Variants in CLPP observed in about 807,000 individuals in gnomAD.
The protein encoded by CLPP is ATP-dependent Clp protease proteolytic subunit, mitochondrial.
CLPP carries 14 observed loss-of-function variants against 27.4 expected under a neutral mutation model. The observed-to-expected ratio is 0.51, with a 90% CI of 0.34 to 0.80. The LOEUF (loss-of-function observed/expected upper bound fraction) is 0.80, where lower values mean the gene tolerates loss of function less well. CLPP is among the 30% of genes least tolerant of loss of function. The pLI is 0.02. For missense variants in CLPP, 361 were observed against 403.6 expected, an observed-to-expected ratio of 0.89 and a Z score of 0.90; for synonymous variants, 193 against 166.6, an observed-to-expected ratio of 1.16 and a Z score of -1.22.
rs774322986 is a variant in CLPP, at chr19:6,366,376, C to A, written c.661+13C>A. ...CTGCAGGTGATCGGTAAGCACCCTC[C>A]TTTATTTCATCCTGGTCCGTGCACA... is the stretch of plus-strand genomic sequence containing the variant. On this transcript the variant is annotated intron_variant, in intron 5 of 5. Transcript: ENST00000245816. 2 of 1,589,266 alleles carry A rather than the reference C, an allele frequency of 1.3e-6. No individual in the cohort carries two copies. Among genetic ancestry groups the A allele is most frequent in the Admixed American group, 3.4e-5 (2 of 58,704 alleles).
At chr19:6,367,509 G>A (rs1439994238) in intron 5 of CLPP, among the ~76,000 whole-genome samples, 1 of 151,870 alleles carries the variant, frequency 6.6e-6, no homozygotes, top group Non-Finnish European at 1.5e-5. Flanking sequence ...GCTAATTTAT[G>A]CTGTTAGAGG....
At chr19:6,362,032 C>A in intron 2 of CLPP, 92 bp downstream of exon 2, 2 of 1,241,256 alleles carry the variant, frequency 1.6e-6, no homozygotes, top group South Asian at 2.6e-5. Context: ...CAGACTTTCC[C>A]TCAGGCTCCG....
chr19:6,366,127 ACCCCAGCC>A (rs2091861137), intron 4 of CLPP, 123 bp from the exon 5 acceptor site: 1 of 628,634 alleles, frequency 1.6e-6, no homozygotes, highest in African/African-American at 1.8e-5. Flanking sequence ...GATTTACACA[ACCCCAGCC>A]CACCAGCCTC....
intron 4 of CLPP, among the ~76,000 whole-genome samples, chr19:6,365,509 G>GAGTT (rs2091857715): frequency 6.6e-6 from 1 of 152,060 alleles, no homozygotes; most frequent in Non-Finnish European, 1.5e-5. Flanking sequence ...ATGCACTGAG[G>GAGTT]AGTTGTTTGC....
At position 6,365,098 on chromosome 19, in the gene CLPP, G is replaced by C. The variant is rs1032726460; in HGVS notation, c.555+459G>C. On this transcript the variant is annotated intron_variant, in intron 4 of 5. Transcript: ENST00000245816. Reference sequence around the variant, plus strand: ...CTCACGCCTGTAATCCTAGCACTTCGGGAGACAGAGGCGGGAGGATCACGT... The same window carrying C: ...CTCACGCCTGTAATCCTAGCACTTCCGGAGACAGAGGCGGGAGGATCACGT... The C allele has an allele frequency of 2.0e-5, 3 of 153,306 alleles. No homozygotes were observed. In the East Asian group the frequency reaches 5.8e-4, roughly 30 times the overall value. The allele number at this position is 153,306 out of a possible 1,614,324, so 9.5% of individuals were successfully genotyped here. A position where few individuals can be genotyped will look rare whatever the true frequency, so the allele number is the denominator to read the frequency against.
intron 4 of CLPP, chr19:6,365,265 G>C (rs1413515939): frequency 6.6e-6 from 1 of 151,596 alleles, no homozygotes; most frequent in East Asian, 1.9e-4. Flanking sequence ...GATCATTTGA[G>C]GTCAGGAATT....
intron 3 of CLPP, among the ~76,000 whole-genome samples, chr19:6,362,974 C>A (rs1427962349): frequency 6.6e-6 from 1 of 152,006 alleles, no homozygotes; most frequent in African/African-American, 2.4e-5. Context: ...CCTGTAGTCC[C>A]AGCAACTCGG....
chr19:6,368,671 A>G lies in CLPP; in HGVS notation c.795A>G (p.Glu265=). The G allele has an allele frequency of 2.5e-6, 4 of 1,577,400 alleles. No individual in the cohort carries two copies. The highest frequency in any genetic ancestry group is 2.6e-6 in the Non-Finnish European group (3 of 1,161,534). ...EPTLVQKEPV[E]AAPAAEPVPA... ...CGCTGGTGCAGAAGGAGCCTGTAGA[A>G]GCAGCGCCGGCAGCAGAACCTGTCC... The change falls in exon 6 of 6, where the codon GAA becomes GAG. Residue 265 remains glutamate (E), a synonymous_variant. Transcript: ENST00000245816.
Position 6,369,277 on chromosome 19 carries a change from C to T in CLPP, c.*567C>T, listed in dbSNP as rs185945094. Among the ~76,000 whole-genome samples, 113 of 152,060 alleles carry T rather than the reference C, an allele frequency of 7.4e-4. No homozygotes were observed. The highest frequency in any genetic ancestry group is 4.2e-3 in the Admixed American group (64 of 15,250). ...TTCTACTAAAAATACAAAAATTAGC[C>T]GAGCGTGGTGCACCTGTAATCCCAG... is the stretch of plus-strand genomic sequence containing the variant. On this transcript the variant is annotated 3_prime_UTR_variant, in exon 6 of 6. Coordinates refer to ENST00000245816, the MANE Select transcript of CLPP (RefSeq NM_006012.4).
intron 3 of CLPP, among the ~76,000 whole-genome samples, chr19:6,364,132 G>A (rs1017257663): frequency 2.0e-5 from 3 of 149,226 alleles, no homozygotes; most frequent in African/African-American, 2.5e-5. Context: ...CCGGGTTCAC[G>A]CCATTCTGCT....
chr19:6,367,030 G>C (rs1481705820), intron 5 of CLPP, among the ~76,000 whole-genome samples: 4 of 151,824 alleles, frequency 2.6e-5, no homozygotes, highest in Admixed American at 1.3e-4. Flanking sequence ...CTTGAGTTCA[G>C]GAGTTCAAGA....
At chr19:6,365,964 CA>C (rs1389939203) in intron 4 of CLPP, among the ~76,000 whole-genome samples, 1 of 148,550 alleles carries the variant, frequency 6.7e-6, no homozygotes, top group Non-Finnish European at 1.5e-5. Context: ...AAAAAAAAAA[CA>C]AAAAACAAAC....
chr19:6,364,219 AC>A (rs1222746550), intron 3 of CLPP, among the ~76,000 whole-genome samples: 3 of 151,774 alleles, frequency 2.0e-5, no homozygotes, highest in Middle Eastern at 3.2e-3. Flanking sequence ...TTTAGTAGAG[AC>A]GGGGTTTCAC....
Position 6,369,408 on chromosome 19 carries a change from C to CT in CLPP, c.*699dup, listed in dbSNP as rs2091877563. Among the ~76,000 whole-genome samples the CT allele has an allele frequency of 7.2e-6, 1 of 138,098 alleles. No homozygotes were observed. Among genetic ancestry groups the CT allele is most frequent in the Admixed American group, 7.0e-5 (1 of 14,268 alleles). 90.6% of individuals were successfully genotyped at this position (138,098 alleles called of 152,430 possible). ...TTAGCCTGGGCAACAGAGCAAGGCT[C>CT]TGTCTCAAAAAAAAAAAAAAACAAA... On this transcript the variant is annotated 3_prime_UTR_variant, in exon 6 of 6. Coordinates refer to ENST00000245816, the MANE Select transcript of CLPP (RefSeq NM_006012.4).
At chr19:6,365,256 A>C (rs1267393852) in intron 4 of CLPP, 1 of 152,036 alleles carries the variant, frequency 6.6e-6, no homozygotes, top group East Asian at 1.9e-4. Flanking sequence ...GAGCAGGTGG[A>C]TCATTTGAGG....
In CLPP at chr19:6,369,855, A is replaced by G. The variant is rs1211757003; in HGVS notation, c.*1145A>G. Among the ~76,000 whole-genome samples, 1 of 151,930 alleles carries G rather than the reference A, an allele frequency of 6.6e-6. No homozygotes were observed. Among genetic ancestry groups the G allele is most frequent in the African/African-American group, 2.4e-5 (1 of 41,386 alleles). On this transcript the variant is annotated 3_prime_UTR_variant, in exon 6 of 6. Coordinates refer to ENST00000245816, the MANE Select transcript of CLPP (RefSeq NM_006012.4). ...CATAAAAGGCCTGACATCTAAAAGGAGGGATGTGAACCATGGAGGGTTTTG... is the reference window on the plus strand; with the variant it reads ...CATAAAAGGCCTGACATCTAAAAGGGGGGATGTGAACCATGGAGGGTTTTG...
chr19:6,362,457 C>T lies in CLPP; in HGVS notation c.282C>T (p.Ser94=), dbSNP rs765531335. 5 of 1,613,606 alleles carry T rather than the reference C, an allele frequency of 3.1e-6. No individual in the cohort carries two copies. The highest frequency in any genetic ancestry group is 4.5e-5 in the East Asian group (2 of 44,862). Residue 94 remains serine (S), a synonymous_variant, in exon 3 of 6, where the codon AGC becomes AGT. Coordinates refer to ENST00000245816, the MANE Select transcript of CLPP (RefSeq NM_006012.4). The part of the protein sequence containing the change: ...IVCVMGPIDD[S]VASLVIAQLL... ...CTCTCCACCTGCAGATCGATGACAGCGTTGCCAGCCTTGTTATCGCACAGC... is the reference window on the plus strand; with the variant it reads ...CTCTCCACCTGCAGATCGATGACAGTGTTGCCAGCCTTGTTATCGCACAGC...
intron 5 of CLPP, 101 bp downstream of exon 5, chr19:6,366,464 T>TGGATCGTTCTCTGGGATGGGG (rs1303021110): frequency 2.4e-6 from 2 of 832,894 alleles, no homozygotes; most frequent in Non-Finnish European, 3.8e-6. Context: ...CTTTCAGGGC[T>TGGATCGTTCTCTGGGATGGGG]GGATCGTTCT....
At chr19:6,362,402 C>G (rs770720902) in intron 2 of CLPP, 44 bp from the exon 3 acceptor site, 1 of 1,413,354 alleles carries the variant, frequency 7.1e-7, no homozygotes, top group Non-Finnish European at 1.0e-6. Context: ...AAAACTCTCT[C>G]CCCACCCCGA....
Sources: allele counts gnomAD v4.1 joint callset (sites outside exome capture counted in the v4.1 genomes callset), GRCh38; gene constraint gnomAD v4.1.1; transcripts MANE v1.5; gene names NCBI Gene and HGNC (gene_info 2026-07-23, HGNC 2026-07-21).